The following CPHXL variants were observed in gnomAD, a reference collection of about 807,000 sequenced individuals.
The protein encoded by CPHXL is cytoplasmic polyadenylated homeobox like.
chr16:75,722,717 A>T (rs1420904874), intron 1 of CPHXL, among the ~76,000 whole-genome samples: 3 of 152,246 alleles, frequency 2.0e-5, no homozygotes, highest in Non-Finnish European at 2.9e-5. Context: ...ATTCCAATCA[A>T]TAGAAAAAGA....
chr16:75,725,753 C>CTTTTTTTTTTTTTTTTGTTTTT (rs1959549208), intron 1 of CPHXL, among the ~76,000 whole-genome samples: 1 of 43,294 alleles, frequency 2.3e-5, no homozygotes. Flanking sequence ...TGCCCGGCGT[C>CTTTTTTTTTTTTTTTTGTTTTT]TTTTTTTTTT....
intron 1 of CPHXL, among the ~76,000 whole-genome samples, chr16:75,725,482 T>C (rs1959542938): frequency 6.7e-6 from 1 of 149,336 alleles, no homozygotes; most frequent in African/African-American, 2.5e-5. Flanking sequence ...AGACGGACTC[T>C]CGCTCTGTCG....
chr16:75,718,052 A>G (rs1959418609), intron 2 of CPHXL, among the ~76,000 whole-genome samples: 1 of 105,610 alleles, frequency 9.5e-6, no homozygotes, highest in African/African-American at 4.9e-5. Flanking sequence ...GTGAGACCCC[A>G]TTTTTTACAA....
At chr16:75,717,693 T>C (rs1959412168) in intron 2 of CPHXL, among the ~76,000 whole-genome samples, 1 of 152,206 alleles carries the variant, frequency 6.6e-6, no homozygotes, top group South Asian at 2.1e-4. Flanking sequence ...TGGAATGCAG[T>C]GGTATGATCA....
At chr16:75,716,296 C>G (rs187318735) in intron 2 of CPHXL, among the ~76,000 whole-genome samples, 170 of 152,270 alleles carry the variant, frequency 1.1e-3, no homozygotes, top group African/African-American at 3.9e-3. Flanking sequence ...TCAGATCCCA[C>G]AGGTCGAGGG....
At chr16:75,724,547 G>C (rs1959526474) in intron 1 of CPHXL, among the ~76,000 whole-genome samples, 1 of 152,224 alleles carries the variant, frequency 6.6e-6, no homozygotes, top group Non-Finnish European at 1.5e-5. Flanking sequence ...CTGGCCATCA[G>C]AGAAATGCAA....
chr16:75,726,281 C>G (rs1959558570), intron 1 of CPHXL, 137 bp downstream of exon 1: 4 of 396,964 alleles, frequency 1.0e-5, no homozygotes, highest in Non-Finnish European at 1.8e-5. Context: ...CATGAATGCC[C>G]TAACACAATT....
chr16:75,717,618 AC>A (rs1218866992), intron 2 of CPHXL, among the ~76,000 whole-genome samples: 5 of 151,452 alleles, frequency 3.3e-5, no homozygotes, highest in African/African-American at 4.9e-5. Context: ...TTTGCTCCCC[AC>A]CCCCACACCT....
At chr16:75,716,865 G>T (rs1402208205) in intron 2 of CPHXL, among the ~76,000 whole-genome samples, 2 of 152,130 alleles carry the variant, frequency 1.3e-5, no homozygotes, top group Non-Finnish European at 2.9e-5. Context: ...TCTTAGCTAA[G>T]TGCTCTCCCA....
At chr16:75,725,754 T>C (rs1959549056) in intron 1 of CPHXL, among the ~76,000 whole-genome samples, 1 of 17,746 alleles carries the variant, frequency 5.6e-5, no homozygotes, top group South Asian at 1.7e-3. Flanking sequence ...GCCCGGCGTC[T>C]TTTTTTTTTT....
intron 1 of CPHXL, among the ~76,000 whole-genome samples, chr16:75,722,898 C>T (rs1959498804): frequency 6.6e-6 from 1 of 152,144 alleles, no homozygotes; most frequent in South Asian, 2.1e-4. Flanking sequence ...AAAGCTCATC[C>T]ACCATGATCA....
At chr16:75,720,170 A>G (rs1320300018) in intron 1 of CPHXL, among the ~76,000 whole-genome samples, 1 of 152,190 alleles carries the variant, frequency 6.6e-6, no homozygotes, top group Non-Finnish European at 1.5e-5. Flanking sequence ...GAACAGAAAA[A>G]CCGGAAACTC....
intron 1 of CPHXL, among the ~76,000 whole-genome samples, chr16:75,725,890 C>A (rs941731455): frequency 2.0e-5 from 3 of 149,490 alleles, no homozygotes; most frequent in Non-Finnish European, 4.4e-5. Context: ...TTACTTTAGG[C>A]ATACAGCCAG....
At chr16:75,717,127 C>A (rs918164630) in intron 2 of CPHXL, among the ~76,000 whole-genome samples, 5 of 152,194 alleles carry the variant, frequency 3.3e-5, no homozygotes, top group African/African-American at 7.2e-5. Context: ...AGCTCCATCT[C>A]AAACATCTAC....
At chr16:75,716,528 T>C (rs929801242) in intron 2 of CPHXL, among the ~76,000 whole-genome samples, 1 of 152,202 alleles carries the variant, frequency 6.6e-6, no homozygotes, top group Non-Finnish European at 1.5e-5. Context: ...TAGGGTGAGA[T>C]ATGGGGGAAG....
At chr16:75,720,290 C>G (rs1040683392) in intron 1 of CPHXL, among the ~76,000 whole-genome samples, 2 of 151,902 alleles carry the variant, frequency 1.3e-5, no homozygotes, top group Non-Finnish European at 2.9e-5. Flanking sequence ...AGGCTTCAGA[C>G]GATCAAACTA....
chr16:75,718,197 G>A (rs1463914342), intron 2 of CPHXL, 68 bp downstream of exon 2: 12 of 396,758 alleles, frequency 3.0e-5, no homozygotes, highest in Non-Finnish European at 5.3e-5. Context: ...CTGCCTGTGT[G>A]ATAGGAGTGA....
intron 1 of CPHXL, among the ~76,000 whole-genome samples, chr16:75,723,537 C>T (rs1240159642): frequency 6.6e-6 from 1 of 152,170 alleles, no homozygotes; most frequent in African/African-American, 2.4e-5. Flanking sequence ...AGGAATTCAA[C>T]TTACAAGGGA....
chr16:75,725,753 C>CTTTTTTTTTTTTTTTTTTT (rs35659823), intron 1 of CPHXL, among the ~76,000 whole-genome samples: 17 of 43,316 alleles, frequency 3.9e-4, no homozygotes, highest in East Asian at 1.7e-3. Context: ...TGCCCGGCGT[C>CTTTTTTTTTTTTTTTTTTT]TTTTTTTTTT....
Sources: allele counts gnomAD v4.1 joint callset (sites outside exome capture counted in the v4.1 genomes callset), GRCh38; gene constraint gnomAD v4.1.1; transcripts MANE v1.5; gene names NCBI Gene and HGNC (gene_info 2026-07-23, HGNC 2026-07-21).